TIAM2: variants seen among roughly 807,000 people sequenced by gnomAD.
The protein encoded by TIAM2 is TIAM Rac1 associated GEF 2.
TIAM2 carries 80 observed loss-of-function variants against 152.9 expected under a neutral mutation model. That is an observed-to-expected ratio of 0.52 (90% CI 0.44 to 0.63). The LOEUF is 0.63. TIAM2 is among the 30% of genes least tolerant of loss of function. The pLI is 0.00. For synonymous variants in TIAM2, 804 were observed against 838.0 expected (o/e 0.96, Z 0.70); for missense variants, 1,965 against 2,120.1 (o/e 0.93, Z 1.44).
rs1780125202 is a variant in TIAM2, at chr6:155,156,687, A to G, written c.2029-7728A>G. The stretch of plus-strand genomic sequence containing the variant: ...ATAAATAAATAAATAAAGTAAAAAA[A>G]TAAAAAGCACATGTGATCCTGTGAT... On this transcript the variant is annotated intron_variant, in intron 7 of 26. Transcript: ENST00000682666. The surrounding 1 kb of genome is among the most constrained non-coding windows in gnomAD (Gnocchi z 4.4). 6.6e-6 allele frequency among the ~76,000 whole-genome samples: 1 copy of G among 152,086 alleles called. No homozygotes were observed. Among genetic ancestry groups the G allele is most frequent in the African/African-American group, 2.4e-5 (1 of 41,416 alleles).
intron 1 of TIAM2, among the ~76,000 whole-genome samples, chr6:155,069,906 C>A (rs898279696): frequency 9.3e-6 from 1 of 107,146 alleles, no homozygotes; most frequent in African/African-American, 3.6e-5. Flanking sequence ...ACAGACATTT[C>A]TTTTCTTTTT....
chr6:155,182,941 A>G (rs1444959308), intron 13 of TIAM2, among the ~76,000 whole-genome samples: 1 of 152,176 alleles, frequency 6.6e-6, no homozygotes. Flanking sequence ...TAAATACTAT[A>G]CATTTTGGCC....
chr6:155,050,581 C>T (rs1387464830), intron 1 of TIAM2, among the ~76,000 whole-genome samples: 1 of 152,200 alleles, frequency 6.6e-6, no homozygotes, highest in Non-Finnish European at 1.5e-5. Flanking sequence ...GGAGGGGTCA[C>T]ACCTGCAGCC....
intron 1 of TIAM2, among the ~76,000 whole-genome samples, chr6:155,088,303 A>G (rs1778219818): frequency 6.6e-6 from 1 of 151,570 alleles, no homozygotes; most frequent in Non-Finnish European, 1.5e-5. Context: ...CTGGTCTCGA[A>G]CTCACGACCT....
intron 1 of TIAM2, among the ~76,000 whole-genome samples, chr6:155,033,290 A>G (rs1486245206): frequency 6.6e-6 from 1 of 152,184 alleles, no homozygotes; most frequent in African/African-American, 2.4e-5. Context: ...TCTCAGGAGC[A>G]TGGTTACGTT....
chr6:155,249,989 C>T lies in TIAM2; in HGVS notation c.3951+20C>T. The T allele has an allele frequency of 1.3e-6, 2 of 1,587,544 alleles. No homozygotes were observed. Among genetic ancestry groups the T allele is most frequent in the African/African-American group, 2.7e-5 (2 of 74,328 alleles). ...AAGGAGGTCCGTGAGACATCTGCAC[C>T]CTGGGAGCCTAGTGCATGTGGTGTG... On this transcript the variant is annotated intron_variant, in intron 21 of 26. Coordinates refer to ENST00000682666, the MANE Select transcript of TIAM2 (RefSeq NM_012454.4).
intron 15 of TIAM2, among the ~76,000 whole-genome samples, chr6:155,212,712 C>T (rs1176265030): frequency 6.6e-6 from 1 of 151,996 alleles, no homozygotes; most frequent in African/African-American, 2.4e-5. Context: ...CTCGACCTGG[C>T]AGGCTGTGCT....
At chr6:155,183,214 T>A (rs1294618527) in intron 13 of TIAM2, 23 bp from the exon 14 acceptor site, 1 of 1,603,066 alleles carries the variant, frequency 6.2e-7, no homozygotes, top group South Asian at 1.1e-5. Context: ...CTCTTTTTTC[T>A]GTTTCTCCTT....
intron 2 of TIAM2, among the ~76,000 whole-genome samples, chr6:155,108,218 C>T (rs942864158): frequency 1.4e-4 from 21 of 152,206 alleles, no homozygotes; most frequent in African/African-American, 5.1e-4. Context: ...GGGCTGTCAT[C>T]TCCATCGGTG....
intron 2 of TIAM2, among the ~76,000 whole-genome samples, chr6:155,121,722 G>A (rs6935148): frequency 0.41 from 61,982 of 151,994 alleles, 14,746 homozygotes; most frequent in African/African-American, 0.64. Flanking sequence ...TTTAGTATAA[G>A]AATCTCTCTG....
rs924858528 is a variant in TIAM2 at position 155,257,358 on chromosome 6, G to A, written c.*237G>A. ...CTTAGTTTATATCCACTTTGAGCAG[G>A]TATCAAATGATTTAGGATCCTTAAA... is the stretch of plus-strand genomic sequence containing the variant. On this transcript the variant is annotated 3_prime_UTR_variant, in exon 27 of 27. Coordinates refer to ENST00000682666, the MANE Select transcript of TIAM2 (RefSeq NM_012454.4). The A allele has an allele frequency of 2.6e-5, 13 of 499,794 alleles. No individual in the cohort carries two copies. Among genetic ancestry groups the A allele is most frequent in the South Asian group, 1.4e-4 (6 of 41,514 alleles). 31.0% of individuals were successfully genotyped at this position (499,794 alleles called of 1,614,324 possible). A position where few individuals can be genotyped will look rare whatever the true frequency, so the allele number is the denominator to read the frequency against.
chr6:155,114,632 T>A (rs1778968516), intron 2 of TIAM2, among the ~76,000 whole-genome samples: 1 of 152,210 alleles, frequency 6.6e-6, no homozygotes, highest in Admixed American at 6.5e-5. Context: ...CTGGGATAAC[T>A]AAATTTTAAC....
At chr6:155,158,735 T>G (rs1183523527) in intron 7 of TIAM2, among the ~76,000 whole-genome samples, 1 of 151,800 alleles carries the variant, frequency 6.6e-6, no homozygotes, top group Non-Finnish European at 1.5e-5. Context: ...TTTGTGTTTT[T>G]TTATAGAGAC....
chr6:155,066,582 C>G (rs1777698656), intron 1 of TIAM2, among the ~76,000 whole-genome samples: 5 of 152,148 alleles, frequency 3.3e-5, no homozygotes, highest in Admixed American at 3.3e-4. Flanking sequence ...GTGTGTCTTT[C>G]CTGTTTGGCT....
intron 2 of TIAM2, among the ~76,000 whole-genome samples, chr6:155,117,621 A>G (rs1779046097): frequency 6.6e-6 from 1 of 152,052 alleles, no homozygotes; most frequent in African/African-American, 2.4e-5. Context: ...TTTTGTATTT[A>G]TAGTAAAGGC....
At chr6:155,215,403 G>A (rs1413862669) in intron 15 of TIAM2, among the ~76,000 whole-genome samples, 2 of 152,278 alleles carry the variant, frequency 1.3e-5, no homozygotes, top group East Asian at 1.9e-4. Flanking sequence ...AACGAACACA[G>A]AAGAAAAAAT....
At position 155,129,260 on chromosome 6, in the gene TIAM2, T is replaced by A. The variant is rs562009542; in HGVS notation, c.37T>A (p.Ser13Thr). The change falls in exon 4 of 27, where the codon TCT (serine) becomes ACT (threonine). Residue 13 changes from serine to threonine, a missense_variant. Ser to Thr is a moderately conservative substitution (Grantham distance 58). This residue lies in a region of TIAM2 where 1,025 missense variants were observed against 1,119.4 expected (regional missense o/e 0.92). Coordinates refer to ENST00000682666, the MANE Select transcript of TIAM2 (RefSeq NM_012454.4). The surrounding 1 kb of genome is among the most constrained non-coding windows in gnomAD (Gnocchi z 4.8). ...NSDSQYTLQG[S>T]KNHSNTITGA... The stretch of plus-strand genomic sequence containing the variant: ...CGACAGTCAGTACACCCTTCAAGGA[T>A]CTAAAAATCATAGCAATACTATTAC... 2.6e-5 allele frequency: 42 copies of A among 1,614,162 alleles called. No homozygotes were observed. The African/African-American group carries it at 2.8e-4, about 11-fold the overall frequency.
chr6:155,141,975 G>A (rs1240350487), intron 5 of TIAM2, among the ~76,000 whole-genome samples: 1 of 152,196 alleles, frequency 6.6e-6, no homozygotes, highest in Non-Finnish European at 1.5e-5. Context: ...AACGTCCAGT[G>A]TCAACGACCC....
intron 15 of TIAM2, chr6:155,232,696 G>C (rs1187767077): frequency 7.1e-6 from 1 of 140,158 alleles, no homozygotes; most frequent in Non-Finnish European, 1.6e-5. Flanking sequence ...CACAGAGTGG[G>C]TCGGCATGCG....
Sources: allele counts gnomAD v4.1 joint callset (sites outside exome capture counted in the v4.1 genomes callset), GRCh38; gene constraint gnomAD v4.1.1; regional missense constraint gnomAD v4.1.1; non-coding constraint Gnocchi (gnomAD v3.1); transcripts MANE v1.5; gene names NCBI Gene and HGNC (gene_info 2026-07-23, HGNC 2026-07-21).